Variants in CSF1R observed in about 807,000 individuals in gnomAD.
CSF1R encodes colony stimulating factor 1 receptor.
In CSF1R, 40 loss-of-function variants were observed where a neutral mutation model predicts 110.0. The observed-to-expected ratio is 0.36, with a 90% CI of 0.28 to 0.47. The LOEUF (loss-of-function observed/expected upper bound fraction) is 0.47, where lower values mean the gene tolerates loss of function less well. CSF1R is among the 20% of genes least tolerant of loss of function. The probability of loss-of-function intolerance (pLI) is 0.99; values close to 1 mark genes in which losing one functional copy is unlikely to be tolerated. For synonymous variants in CSF1R, 523 were observed against 503.4 expected (o/e 1.04, Z -0.52); for missense variants, 1,052 against 1,253.0 (o/e 0.84, Z 2.42).
At chr5:150,091,846 T>C (rs1204509367) in intron 1 of CSF1R, among the ~76,000 whole-genome samples, 19 of 68,682 alleles carry the variant, frequency 2.8e-4, no homozygotes, top group African/African-American at 9.2e-4. Flanking sequence ...AGCAGACCCA[T>C]ACTACCAAAA....
At position 150,060,966 on chromosome 5, in the gene CSF1R, G is replaced by T; in HGVS notation, c.1865C>A (p.Ala622Asp). Residue 622 changes from alanine to aspartate, a missense_variant, in exon 13 of 21, where the codon GCC becomes GAC. This residue lies in a region of CSF1R where 76 missense variants were observed against 133.6 expected (regional missense o/e 0.57). Transcript: ENST00000675795. ...GAGGGCCTCCTTCTCATCAGCATGG[G>T]CCGTGGCTGGGAGGAAGAACCACAG... The part of the protein sequence containing the change: ...KVAVKMLKST[A>D]HADEKEALMS... 1 of 1,596,972 alleles carries T rather than the reference G, an allele frequency of 6.3e-7. No individual in the cohort carries two copies. The highest frequency in any genetic ancestry group is 1.1e-5 in the South Asian group (1 of 88,136).
Position 150,080,981 on chromosome 5 carries a change from G to T in CSF1R, c.93C>A (p.Val31=), listed in dbSNP as rs41424646. The T allele has an allele frequency of 1.3e-4, 211 of 1,614,056 alleles. No individual in the cohort carries two copies. The highest frequency in any genetic ancestry group is 1.7e-4 in the Non-Finnish European group (200 of 1,179,948). The change falls in exon 2 of 21, where the codon GTC becomes GTA. Residue 31 remains valine, a synonymous_variant. Transcript: ENST00000675795. ...AGGTCACCGTTGCTCCTGGCTTCAC[G>T]ACCAGCTCAGGGACACTGGGCTCTA... ...PVIEPSVPEL[V]VKPGATVTLR...
Position 150,078,215 on chromosome 5 carries a change from G to A in CSF1R, c.626C>T (p.Pro209Leu). Reference protein sequence around the residue: ...IPGPPALTLVPAELVRIRGEA... With the variant: ...IPGPPALTLVLAELVRIRGEA... ...CCCTCGAATCCGCACCAGCTCTGCA[G>A]GCACCAGTGTCAAGGCTGGGGGCCC... Residue 209 changes from proline (P) to leucine (L), a missense_variant, in exon 4 of 21, where the codon CCT becomes CTT. Around this residue, in one of 5 missense-constraint regions of CSF1R, gnomAD observed 693 missense variants for 735.4 expected, o/e 0.94. Transcript: ENST00000675795. The A allele has an allele frequency of 6.2e-7, 1 of 1,614,130 alleles. No homozygotes were observed. The highest frequency in any genetic ancestry group is 8.5e-7 in the Non-Finnish European group (1 of 1,180,006).
Position 150,105,382 on chromosome 5 carries a change from A to AT in CSF1R, c.-181+7878dup, listed in dbSNP as rs1195495947. On this transcript the variant is annotated intron_variant, in intron 1 of 21. Coordinates refer to the CSF1R transcript ENST00000286301. ...AAAAAAAATATATATATATATATAT[A>AT]TATTTTTTTTTTTTTAATAGAGGCG... is the stretch of plus-strand genomic sequence containing the variant. Among the ~76,000 whole-genome samples, 395 of 82,778 alleles carry AT rather than the reference A, an allele frequency of 4.8e-3. 3 individuals are homozygous for AT. Among genetic ancestry groups the AT allele is most frequent in the African/African-American group, 0.017 (360 of 21,584 alleles). The allele number at this position is 82,778 out of a possible 152,430, so 54.3% of individuals were successfully genotyped here.
intron 1 of CSF1R, among the ~76,000 whole-genome samples, chr5:150,083,349 A>ACCACAC (rs1758641931): frequency 9.4e-6 from 1 of 106,328 alleles, no homozygotes; most frequent in African/African-American, 3.7e-5. Context: ...CTTCTCTCCC[A>ACCACAC]ACACACACAC....
intron 5 of CSF1R, among the ~76,000 whole-genome samples, chr5:150,073,960 C>T (rs1758142494): frequency 1.3e-5 from 2 of 152,138 alleles, no homozygotes. Context: ...GTACTCTGTC[C>T]CCTCTGGCCC....
At position 150,056,264 on chromosome 5, in the gene CSF1R, C is replaced by G. The variant is rs1757214819; in HGVS notation, c.2397G>C (p.Leu799=). 2 of 1,614,070 alleles carry G rather than the reference C, an allele frequency of 1.2e-6. No individual in the cohort carries two copies. The highest frequency in any genetic ancestry group is 1.7e-5 in the Admixed American group (1 of 60,002). The change falls in exon 17 of 21, where the codon CTG becomes CTC. Residue 799 remains leucine, a synonymous_variant. Transcript: ENST00000675795. ...TGGAGTCATTCATGATGTCCCTAGC[C>G]AGCCCGAAGTCCCCAATCTTGGCCA... ...GHVAKIGDFG[L]ARDIMNDSNY...
intron 1 of CSF1R, among the ~76,000 whole-genome samples, chr5:150,091,598 G>A (rs540624890): frequency 9.2e-5 from 14 of 152,160 alleles, no homozygotes; most frequent in Non-Finnish European, 1.8e-4. Context: ...GTTACCAGGG[G>A]ATGTGGCAAG....
chr5:150,081,333 G>A (rs1409410221), intron 1 of CSF1R, among the ~76,000 whole-genome samples: 1 of 152,112 alleles, frequency 6.6e-6, no homozygotes, highest in Non-Finnish European at 1.5e-5. Context: ...TCCCTGCTGT[G>A]ATGCCATCTT....
chr5:150,056,715 T>A (rs1403901401), intron 16 of CSF1R, among the ~76,000 whole-genome samples: 1 of 152,070 alleles, frequency 6.6e-6, no homozygotes, highest in African/African-American at 2.4e-5. Context: ...CCCTAAACTC[T>A]GCACACATTG....
chr5:150,069,385 C>CAA (rs1413784719), intron 9 of CSF1R, among the ~76,000 whole-genome samples: 5 of 152,194 alleles, frequency 3.3e-5, no homozygotes, highest in Non-Finnish European at 7.3e-5. Context: ...TCTTGCACAG[C>CAA]AACCTCAAAT....
intron 14 of CSF1R, 98 bp downstream of exon 14, chr5:150,059,601 AC>A (rs1447042897): frequency 1.4e-6 from 2 of 1,423,314 alleles, no homozygotes; most frequent in African/African-American, 2.8e-5. Flanking sequence ...CTGCATAGCC[AC>A]CCATTCATGA....
intron 19 of CSF1R, 88 bp from the exon 20 acceptor site, chr5:150,054,518 G>A: frequency 9.1e-7 from 1 of 1,098,396 alleles, no homozygotes; most frequent in Non-Finnish European, 1.3e-6. Context: ...CTACCCAGCA[G>A]AGGTCCCCAA....
chr5:150,073,930 A>T (rs1758140933), intron 5 of CSF1R, among the ~76,000 whole-genome samples: 1 of 152,180 alleles, frequency 6.6e-6, no homozygotes, highest in Non-Finnish European at 1.5e-5. Context: ...TAGGTGTGTA[A>T]CCCAGGCCAA....
upstream of CSF1R, among the ~76,000 whole-genome samples, chr5:150,087,953 C>T (rs947171277): frequency 2.0e-5 from 3 of 152,126 alleles, no homozygotes; most frequent in African/African-American, 4.8e-5. Context: ...CCAGGCTGGT[C>T]TCAAACCCCT....
upstream of CSF1R, among the ~76,000 whole-genome samples, chr5:150,088,502 G>T (rs1006708129): frequency 6.6e-6 from 1 of 151,592 alleles, no homozygotes; most frequent in African/African-American, 2.4e-5. Context: ...TTTCAAAAAT[G>T]TACTAGCAAA....
chr5:150,064,638 G>A (rs1322476279), intron 10 of CSF1R, among the ~76,000 whole-genome samples: 1 of 152,198 alleles, frequency 6.6e-6, no homozygotes, highest in Non-Finnish European at 1.5e-5. Context: ...GAGCCTCTGT[G>A]GCTAAGACTG....
chr5:150,063,548 G>A (rs1396004859), intron 10 of CSF1R, among the ~76,000 whole-genome samples: 4 of 151,792 alleles, frequency 2.6e-5, no homozygotes. Flanking sequence ...GAGAGACGCT[G>A]CCCACTAGAT....
At chr5:150,092,143 G>A (rs1759063696) in intron 1 of CSF1R, among the ~76,000 whole-genome samples, 1 of 152,194 alleles carries the variant, frequency 6.6e-6, no homozygotes, top group Non-Finnish European at 1.5e-5. Context: ...TGCAAAAGCA[G>A]CCATAGCCAA....
Sources: allele counts gnomAD v4.1 joint callset (sites outside exome capture counted in the v4.1 genomes callset), GRCh38; gene constraint gnomAD v4.1.1; regional missense constraint gnomAD v4.1.1; transcripts MANE v1.5; gene names NCBI Gene and HGNC (gene_info 2026-07-23, HGNC 2026-07-21).